PIWIL4: variants seen among roughly 807,000 people sequenced by gnomAD.
The protein encoded by PIWIL4 is piwi like RNA-mediated gene silencing 4, also known as piwi-like protein 4.
In PIWIL4, 50 loss-of-function variants were observed where a neutral mutation model predicts 100.9. The observed-to-expected ratio is 0.50, with a 90% CI of 0.39 to 0.63. The LOEUF is 0.63. Among genes scored for constraint, PIWIL4 ranks in the 20% least tolerant of loss-of-function variants. The pLI, the probability that PIWIL4 is intolerant of heterozygous loss-of-function variation, is 0.00. For synonymous variants in PIWIL4, 342 were observed against 367.5 expected, an observed-to-expected ratio of 0.93 and a Z score of 0.79; for missense variants, 887 against 1,043.3, an observed-to-expected ratio of 0.85 and a Z score of 2.06.
At chr11:94,594,769 T>G (rs946426417) in intron 9 of PIWIL4, among the ~76,000 whole-genome samples, 4 of 152,072 alleles carry the variant, frequency 2.6e-5, no homozygotes, top group African/African-American at 7.2e-5. Flanking sequence ...CAACCTCAGG[T>G]GATCCACCCG....
intron 2 of PIWIL4, among the ~76,000 whole-genome samples, chr11:94,570,255 G>C (rs1044477607): frequency 3.3e-5 from 5 of 152,228 alleles, no homozygotes; most frequent in Middle Eastern, 3.4e-3. Flanking sequence ...TAAGTAGGAG[G>C]CTTAATCAGC....
intron 8 of PIWIL4, among the ~76,000 whole-genome samples, chr11:94,592,034 T>C (rs1948493105): frequency 6.6e-6 from 1 of 152,166 alleles, no homozygotes; most frequent in Admixed American, 6.5e-5. Flanking sequence ...CGTACTCCCA[T>C]GTTTTCTTCA....
intron 2 of PIWIL4, among the ~76,000 whole-genome samples, chr11:94,569,011 T>TC (rs1267963597): frequency 6.6e-6 from 1 of 152,192 alleles, no homozygotes; most frequent in African/African-American, 2.4e-5. Context: ...TAGACGGGAC[T>TC]CCATAGATAT....
At chr11:94,567,929 A>G (rs1476392767) in intron 1 of PIWIL4, 1 of 569,060 alleles carries the variant, frequency 1.8e-6, no homozygotes, top group African/African-American at 2.0e-5. Context: ...TGCTTTCATA[A>G]CATTACACGG....
In PIWIL4 at chr11:94,583,092, A is replaced by G. The variant is rs187324981; in HGVS notation, c.514-356A>G. Among the ~76,000 whole-genome samples the G allele has an allele frequency of 2.6e-5, 4 of 151,104 alleles. No individual in the cohort carries two copies. The East Asian group carries it at 5.8e-4, about 22-fold the overall frequency. On this transcript the variant is annotated intron_variant, in intron 4 of 19. Coordinates refer to ENST00000299001, the MANE Select transcript of PIWIL4 (RefSeq NM_152431.3). The stretch of plus-strand genomic sequence containing the variant: ...TGTGTGTGAAATTTTATTGAGAAAT[A>G]TCTAACTTTTATCAGACTCTCAAAA...
intron 8 of PIWIL4, among the ~76,000 whole-genome samples, chr11:94,593,062 T>G (rs1476703473): frequency 6.6e-6 from 1 of 152,228 alleles, no homozygotes; most frequent in African/African-American, 2.4e-5. Context: ...GTCATGCTGT[T>G]TTGGGAAATC....
In PIWIL4 at chr11:94,583,527, G is replaced by T; in HGVS notation, c.593G>T (p.Ser198Ile). ...ACCCTGAAGAGGGAGCTGCCATCAAGTTCTCCCGTGTGCATCCAGGTCTTC... is the reference window on the plus strand; with the variant it reads ...ACCCTGAAGAGGGAGCTGCCATCAATTTCTCCCGTGTGCATCCAGGTCTTC... ...TITLKRELPSSSPVCIQVFNI... is the reference protein window; with the variant it reads ...TITLKRELPSISPVCIQVFNI... Residue 198 changes from serine to isoleucine, a missense_variant, in exon 5 of 20, where the codon AGT (serine) becomes ATT (isoleucine). By Grantham distance (142) the Ser-to-Ile change is moderately radical (BLOSUM62 -2). Transcript: ENST00000299001. The T allele has an allele frequency of 6.2e-7, 1 of 1,614,062 alleles. No individual in the cohort carries two copies.
intron 12 of PIWIL4, among the ~76,000 whole-genome samples, chr11:94,602,962 C>T (rs2135285246): frequency 6.6e-6 from 1 of 152,334 alleles, no homozygotes; most frequent in South Asian, 2.1e-4. Flanking sequence ...GGCTCTTTCT[C>T]ATGTGAATTC....
intron 7 of PIWIL4, 110 bp downstream of exon 7, chr11:94,587,357 T>C: frequency 8.7e-7 from 1 of 1,145,234 alleles, no homozygotes; most frequent in Non-Finnish European, 1.2e-6. Context: ...CTAATCCATT[T>C]ACTCATCTGT....
intron 19 of PIWIL4, 120 bp downstream of exon 19, chr11:94,620,264 GGAATGAAT>G (rs1199613587): frequency 2.7e-6 from 3 of 1,109,644 alleles, no homozygotes; most frequent in Non-Finnish European, 3.8e-6. Flanking sequence ...TCCTAAAGAA[GGAATGAAT>G]GAATGAATGA....
chr11:94,619,713 A>G, intron 17 of PIWIL4, 47 bp from the exon 18 acceptor site: 2 of 1,568,082 alleles, frequency 1.3e-6, no homozygotes, highest in Non-Finnish European at 1.7e-6. Context: ...AGAAAGCTAT[A>G]TAGATTGGAT....
rs1948848545 is a variant in PIWIL4, at chr11:94,616,468, CTTTTA to C, written c.1944-20_1944-16del. 1.9e-6 allele frequency: 3 copies of C among 1,541,356 alleles called. No individual in the cohort carries two copies. The highest frequency in any genetic ancestry group is 2.3e-5 in the East Asian group (1 of 44,098). Reference sequence around the variant, plus strand: ...GTAGAAAAATTGAAGTTGAATTTTACTTTTATTTTTTTTTTTAACTTTAGGTGGTT... The same window carrying C: ...GTAGAAAAATTGAAGTTGAATTTTACTTTTTTTTTTTAACTTTAGGTGGTT... On this transcript the variant is annotated intron_variant, in intron 15 of 19. Coordinates refer to ENST00000299001, the MANE Select transcript of PIWIL4 (RefSeq NM_152431.3).
In PIWIL4 at chr11:94,583,040, A is replaced by ATGTGTG. The variant is rs200968891; in HGVS notation, c.514-407_514-406insGTGTGT. Among the ~76,000 whole-genome samples, 1,143 of 118,156 alleles carry ATGTGTG rather than the reference A, an allele frequency of 9.7e-3. 8 individuals carry two copies. Among genetic ancestry groups the ATGTGTG allele is most frequent in the East Asian group, 0.041 (179 of 4,340 alleles). The allele number at this position is 118,156 out of a possible 152,430, so 77.5% of individuals were successfully genotyped here. A position where few individuals can be genotyped will look rare whatever the true frequency, so the allele number is the denominator to read the frequency against. ...ACACTGTTGTGGTGTGTGTATATAT[A>ATGTGTG]TATATGTGTGTGTGTGTGTGTGTGT... On this transcript the variant is annotated intron_variant, in intron 4 of 19. Coordinates refer to ENST00000299001, the MANE Select transcript of PIWIL4 (RefSeq NM_152431.3).
intron 12 of PIWIL4, among the ~76,000 whole-genome samples, chr11:94,602,619 T>C (rs370173245): frequency 6.6e-6 from 1 of 152,180 alleles, no homozygotes; most frequent in East Asian, 1.9e-4. Context: ...ACACTGAAAA[T>C]AAATACTGTT....
intron 3 of PIWIL4, among the ~76,000 whole-genome samples, chr11:94,576,896 C>A (rs1948245345): frequency 6.6e-6 from 1 of 152,166 alleles, no homozygotes. Context: ...CAGACTGTTT[C>A]TTTATGAGAG....
chr11:94,599,674 A>G (rs1011312044), intron 11 of PIWIL4, among the ~76,000 whole-genome samples: 5 of 152,196 alleles, frequency 3.3e-5, no homozygotes, highest in East Asian at 3.9e-4. Context: ...GGAAGGCATC[A>G]TGAGGATGGC....
At chr11:94,603,086 C>T (rs918563657) in intron 12 of PIWIL4, among the ~76,000 whole-genome samples, 3 of 152,196 alleles carry the variant, frequency 2.0e-5, no homozygotes, top group Non-Finnish European at 1.5e-5. Context: ...GATTTATATG[C>T]ATAGCTTCTG....
intron 3 of PIWIL4, among the ~76,000 whole-genome samples, chr11:94,575,335 A>G (rs2135240504): frequency 6.6e-6 from 1 of 152,322 alleles, no homozygotes; most frequent in East Asian, 1.9e-4. Flanking sequence ...CTTCCCCCAA[A>G]TGACATCTCA....
chr11:94,572,896 C>T (rs1259146030), intron 2 of PIWIL4, among the ~76,000 whole-genome samples: 5 of 152,276 alleles, frequency 3.3e-5, no homozygotes, highest in Admixed American at 6.5e-5. Context: ...GCCGTTTTCA[C>T]GATATTGATT....
Sources: allele counts gnomAD v4.1 joint callset (sites outside exome capture counted in the v4.1 genomes callset), GRCh38; gene constraint gnomAD v4.1.1; transcripts MANE v1.5; gene names NCBI Gene and HGNC (gene_info 2026-07-23, HGNC 2026-07-21).